Variants in CCDC171 observed in about 807,000 individuals in gnomAD.
CCDC171 encodes coiled-coil domain containing 171.
Under a neutral mutation model 168.2 loss-of-function variants are expected in CCDC171, and 177 were observed. The ratio of observed to expected loss-of-function variants is 1.05; its 90% CI spans 0.93 to 1.19. The LOEUF is 1.19. Among genes scored for constraint, CCDC171 ranks in the 50% most tolerant of loss-of-function variants. CCDC171 has a pLI of 0.00. For missense variants in CCDC171, 1,991 were observed against 1,539.0 expected (o/e 1.29, Z -4.91); for synonymous variants, 687 against 540.8 (o/e 1.27, Z -3.75).
intron 24 of CCDC171, among the ~76,000 whole-genome samples, chr9:15,891,133 C>A (rs992799271): frequency 6.6e-6 from 1 of 152,004 alleles, no homozygotes; most frequent in African/African-American, 2.4e-5. Context: ...TATAAAGAAA[C>A]CAATTATGGA....
intron 25 of CCDC171, among the ~76,000 whole-genome samples, chr9:15,942,589 G>A (rs557998670): frequency 6.2e-4 from 94 of 152,052 alleles, no homozygotes; most frequent in African/African-American, 2.2e-3. Context: ...AGTAATAATG[G>A]TGAGGAATAT....
At chr9:15,640,019 T>C (rs2046477971) in intron 7 of CCDC171, among the ~76,000 whole-genome samples, 2 of 152,198 alleles carry the variant, frequency 1.3e-5, no homozygotes, top group African/African-American at 4.8e-5. Flanking sequence ...GTATGGCATC[T>C]GGCATATAGT....
intron 3 of CCDC171, among the ~76,000 whole-genome samples, chr9:15,982,676 C>T (rs934685442): frequency 6.6e-6 from 1 of 152,124 alleles, no homozygotes; most frequent in South Asian, 2.1e-4. Flanking sequence ...CTGCTTCCTT[C>T]CCTTCCTTCT....
rs571915739 is a variant in CCDC171 at position 15,562,507 on chromosome 9, C to T, written c.-111-1471C>T. Reference sequence around the variant, plus strand: ...CATTCAGATTTGAAGATGTTAGGTGCCAAAATAATGCACTGAAGTATGATG... The same window carrying T: ...CATTCAGATTTGAAGATGTTAGGTGTCAAAATAATGCACTGAAGTATGATG... On this transcript the variant is annotated intron_variant, in intron 1 of 25. Coordinates refer to ENST00000380701, the MANE Select transcript of CCDC171 (RefSeq NM_173550.4). 1.4e-4 allele frequency among the ~76,000 whole-genome samples: 21 copies of T among 152,172 alleles called. No individual in the cohort carries two copies. In the East Asian group the frequency reaches 4.1e-3, roughly 29 times the overall value.
chr9:15,741,938 A>T (rs934037824), intron 16 of CCDC171, among the ~76,000 whole-genome samples: 3 of 152,210 alleles, frequency 2.0e-5, no homozygotes, highest in African/African-American at 7.2e-5. Flanking sequence ...CTGTATCTAC[A>T]TGCACAATTT....
rs188075634 is a variant in CCDC171 at position 15,894,842 on chromosome 9, C to T, written c.3600+20179C>T. Among the ~76,000 whole-genome samples the T allele has an allele frequency of 5.4e-4, 82 of 152,196 alleles. 1 individual carries two copies. The East Asian group carries it at 0.015, about 28-fold the overall frequency. ...CTCCCTGCATATTTTATAGCCCTGA[C>T]GTAATATGTTTGGCTGTTATCTATT... is the stretch of plus-strand genomic sequence containing the variant. On this transcript the variant is annotated intron_variant, in intron 24 of 25. Coordinates refer to ENST00000380701, the MANE Select transcript of CCDC171 (RefSeq NM_173550.4).
chr9:15,740,055 A>T (rs1256518276), intron 16 of CCDC171, among the ~76,000 whole-genome samples: 3 of 151,820 alleles, frequency 2.0e-5, no homozygotes, highest in Admixed American at 6.6e-5. Flanking sequence ...TGTTTTTTTT[A>T]AATCTGTTAA....
the CCDC171 span, among the ~76,000 whole-genome samples, chr9:16,105,188 A>G: frequency 1.3e-5 from 2 of 152,182 alleles, no homozygotes; most frequent in African/African-American, 4.8e-5. Context: ...TATTTGGGCT[A>G]TGTGTAAATA....
intron 21 of CCDC171, 58 bp downstream of exon 21, chr9:15,784,752 G>C (rs2057849921): frequency 7.7e-7 from 1 of 1,306,596 alleles, no homozygotes; most frequent in South Asian, 1.3e-5. Context: ...GTGGATCTTA[G>C]AGGGAATTAT....
chr9:15,814,338 T>TA (rs1482361897), intron 21 of CCDC171, among the ~76,000 whole-genome samples: 3 of 152,172 alleles, frequency 2.0e-5, no homozygotes, highest in African/African-American at 4.8e-5. Context: ...TTTCATCTGT[T>TA]AAAAACAAGA....
intron 11 of CCDC171, among the ~76,000 whole-genome samples, chr9:15,716,011 G>T (rs1474072476): frequency 6.6e-6 from 1 of 152,102 alleles, no homozygotes; most frequent in Non-Finnish European, 1.5e-5. Context: ...ATCGAAACAG[G>T]GTATGGTGAG....
At chr9:15,856,697 T>C (rs2061360418) in intron 23 of CCDC171, among the ~76,000 whole-genome samples, 1 of 152,070 alleles carries the variant, frequency 6.6e-6, no homozygotes, top group Non-Finnish European at 1.5e-5. Flanking sequence ...GAGATTCTTA[T>C]TGCCCTTCTT....
At chr9:15,562,953 C>G (rs1312500467) in intron 1 of CCDC171, among the ~76,000 whole-genome samples, 1 of 152,006 alleles carries the variant, frequency 6.6e-6, no homozygotes, top group African/African-American at 2.4e-5. Context: ...TTGGGCAAGA[C>G]AGTTGAGCGT....
chr9:15,564,387 A>T (rs1422540149), intron 2 of CCDC171, among the ~76,000 whole-genome samples: 1 of 152,102 alleles, frequency 6.6e-6, no homozygotes, highest in African/African-American at 2.4e-5. Flanking sequence ...GTTACTAGAG[A>T]CTTGCTTGTT....
At chr9:15,713,851 T>C (rs1204998916) in intron 11 of CCDC171, among the ~76,000 whole-genome samples, 1 of 151,384 alleles carries the variant, frequency 6.6e-6, no homozygotes, top group Non-Finnish European at 1.5e-5. Flanking sequence ...GGAGAGTTGA[T>C]TAAGATTTCT....
At chr9:16,076,578 G>A in the CCDC171 span, among the ~76,000 whole-genome samples, 11 of 152,248 alleles carry the variant, frequency 7.2e-5, no homozygotes, top group South Asian at 6.2e-4. Context: ...CCATGCTTCC[G>A]GCAGCCTTCA....
At chr9:15,713,665 A>G (rs2382533) in intron 11 of CCDC171, among the ~76,000 whole-genome samples, 143,995 of 152,136 alleles carry the variant, frequency 0.95, 68,185 homozygotes, top group East Asian at 1. Flanking sequence ...GTAGTGGATG[A>G]CTTACTTTGC....
downstream of CCDC171, among the ~76,000 whole-genome samples, chr9:15,975,770 G>A (rs1487643507): frequency 6.6e-6 from 1 of 152,124 alleles, no homozygotes; most frequent in Admixed American, 6.5e-5. Flanking sequence ...CTGGACTAGT[G>A]TAGTAGGCTG....
intron 1 of CCDC171, among the ~76,000 whole-genome samples, chr9:16,059,761 G>A (rs1451480265): frequency 2.7e-5 from 4 of 150,834 alleles, no homozygotes; most frequent in East Asian, 1.9e-4. Flanking sequence ...TGATCCACCC[G>A]CCTCGGCCTC....
Sources: gnomAD v4.1 joint callset for allele counts (sites outside exome capture counted in the v4.1 genomes callset) on GRCh38, gnomAD v4.1.1 for gene constraint, MANE v1.5 for transcripts, NCBI Gene and HGNC (gene_info 2026-07-23, HGNC 2026-07-21) for gene names.